PNPLA6: variants seen among roughly 807,000 people sequenced by gnomAD.
The protein encoded by PNPLA6 is patatin like domain 6, lysophospholipase.
A neutral mutation model predicts 153.7 loss-of-function variants in PNPLA6; 105 were observed. The ratio of observed to expected loss-of-function variants is 0.68; its 90% CI spans 0.58 to 0.80. PNPLA6 has a LOEUF of 0.80. PNPLA6 is among the 30% of genes least tolerant of loss of function. The pLI is 0.00. For synonymous variants in PNPLA6, 825 were observed against 822.2 expected, an observed-to-expected ratio of 1.00 and a Z score of -0.06; for missense variants, 1,423 against 1,919.3, an observed-to-expected ratio of 0.74 and a Z score of 4.83.
Position 7,542,657 on chromosome 19 carries a change from C to A in PNPLA6, c.1349C>A (p.Ala450Glu), listed in dbSNP as rs763749160. The A allele has an allele frequency of 3.7e-6, 6 of 1,612,794 alleles. No homozygotes were observed. Among genetic ancestry groups the A allele is most frequent in the East Asian group, 2.2e-5 (1 of 44,886 alleles). ...LQEEASGGSLAAPARTPTQEP... is the reference protein window; with the variant it reads ...LQEEASGGSLEAPARTPTQEP... ...GAAGAGGCCTCCGGGGGGTCCCTGG[C>A]AGCCCCCGCTCGGGTAAGGCTTGGG... Residue 450 changes from alanine (A) to glutamate (E), a missense_variant, in exon 11 of 32, where the codon GCA becomes GAA. Transcript: ENST00000600737.
chr19:7,540,609 C>G lies in PNPLA6; in HGVS notation c.715-21C>G. The G allele has an allele frequency of 6.3e-7, 1 of 1,598,538 alleles. No homozygotes were observed. The highest frequency in any genetic ancestry group is 8.6e-7 in the Non-Finnish European group (1 of 1,165,808). On this transcript the variant is annotated intron_variant, in intron 5 of 31. Coordinates refer to ENST00000600737, the MANE Select transcript of PNPLA6 (RefSeq NM_001166114.2). The surrounding 1 kb of genome is among the most constrained non-coding windows in gnomAD (Gnocchi z 6.8). ...TCACCAGGGCGAGGCCACTGAGGGTCCACGGTCTCCTGTGTCTCAGGACGG... is the reference window on the plus strand; with the variant it reads ...TCACCAGGGCGAGGCCACTGAGGGTGCACGGTCTCCTGTGTCTCAGGACGG...
Position 7,558,935 on chromosome 19 carries a change from G to A in PNPLA6, c.3483G>A (p.Gly1161=), listed in dbSNP as rs1378066311. 2 of 1,614,048 alleles carry A rather than the reference G, an allele frequency of 1.2e-6. No individual in the cohort carries two copies. Among genetic ancestry groups the A allele is most frequent in the Non-Finnish European group, 1.7e-6 (2 of 1,180,016 alleles). ...SQDETDLSTY[G]DSLSGWWLLW... Reference sequence around the variant, plus strand: ...ATGAGACGGACCTCAGCACCTACGGGGACAGCCTGTCCGGCTGGTGGCTGC... The same window carrying A: ...ATGAGACGGACCTCAGCACCTACGGAGACAGCCTGTCCGGCTGGTGGCTGC... Residue 1161 remains glycine (G), a synonymous_variant, in exon 28 of 32, where the codon GGG becomes GGA. Transcript: ENST00000600737.
At chr19:7,549,839 G>A in intron 13 of PNPLA6, 68 bp from the exon 14 acceptor site, 1 of 1,433,288 alleles carries the variant, frequency 7.0e-7, no homozygotes, top group Non-Finnish European at 9.8e-7. Context: ...TCCTGTGGGG[G>A]CATGTTGACC....
In PNPLA6 at chr19:7,560,730, G is replaced by A. The variant is rs1354670102; in HGVS notation, c.3782G>A (p.Arg1261Gln). ...ATTGAGAAAATGCTCACAGACCGGC[G>A]GTCTACAGACCTTAATGAGAGCCGC... ...NVIEKMLTDRRSTDLNESRRA... is the reference protein window; with the variant it reads ...NVIEKMLTDRQSTDLNESRRA... Residue 1261 changes from arginine to glutamine, a missense_variant, in exon 29 of 32, where the codon CGG becomes CAG. By Grantham distance (43) the Arg-to-Gln change is conservative. Transcript: ENST00000600737. 3 of 1,613,310 alleles carry A rather than the reference G, an allele frequency of 1.9e-6. No homozygotes were observed. The highest frequency in any genetic ancestry group is 2.5e-6 in the Non-Finnish European group (3 of 1,179,324).
intron 21 of PNPLA6, 71 bp downstream of exon 21, chr19:7,554,794 GC>G: frequency 6.3e-7 from 1 of 1,592,554 alleles, no homozygotes; most frequent in South Asian, 1.1e-5. Context: ...CCTGCACCAG[GC>G]CACGTGCACC....
chr19:7,556,977 C>T (rs1031897659), intron 26 of PNPLA6, 191 bp from the exon 27 acceptor site: 4 of 712,456 alleles, frequency 5.6e-6, no homozygotes, highest in Admixed American at 3.9e-5. Flanking sequence ...CTGTGTGTGG[C>T]GTTACGTCCG....
rs2146054780 is a variant in PNPLA6, at chr19:7,541,244, C to T, written c.925-110C>T. 2 of 1,141,862 alleles carry T rather than the reference C, an allele frequency of 1.8e-6. No homozygotes were observed. The allele number at this position is 1,141,862 out of a possible 1,614,324, so 70.7% of individuals were successfully genotyped here. A position where few individuals can be genotyped will look rare whatever the true frequency, so the allele number is the denominator to read the frequency against. ...CGCCCCATTTCCCCAGACTGTGGGT[C>T]TCTCCCTGGTTCCCGCCCGACCCCT... is the stretch of plus-strand genomic sequence containing the variant. On this transcript the variant is annotated intron_variant, in intron 7 of 31. Coordinates refer to ENST00000600737, the MANE Select transcript of PNPLA6 (RefSeq NM_001166114.2). The surrounding 1 kb of genome is among the most constrained non-coding windows in gnomAD (Gnocchi z 5.2).
chr19:7,556,710 G>A lies in PNPLA6; in HGVS notation c.3266G>A (p.Arg1089Gln), dbSNP rs786201037. 6 of 1,613,320 alleles carry A rather than the reference G, an allele frequency of 3.7e-6. No individual in the cohort carries two copies. The highest frequency in any genetic ancestry group is 1.7e-5 in the Admixed American group (1 of 59,996). Residue 1089 changes from arginine (R) to glutamine (Q), a missense_variant, in exon 26 of 32, where the codon CGA (arginine) becomes CAA (glutamine). Physicochemically the swap from Arg to Gln is conservative, Grantham distance 43. Around this residue, in one of 10 missense-constraint regions of PNPLA6, gnomAD observed 643 missense variants for 835.2 expected, o/e 0.77. Coordinates refer to ENST00000600737, the MANE Select transcript of PNPLA6 (RefSeq NM_001166114.2). Reference protein sequence around the residue: ...VTTDITASAMRVHKDGSLWRY... With the variant: ...VTTDITASAMQVHKDGSLWRY... ...ACAGATATCACCGCCTCAGCCATGC[G>A]AGTCCACAAAGATGGTGGGTGTCCC...
chr19:7,544,816 G>A (rs1009138343), intron 13 of PNPLA6, among the ~76,000 whole-genome samples: 4 of 152,110 alleles, frequency 2.6e-5, no homozygotes, highest in African/African-American at 9.7e-5. Flanking sequence ...GGAAGTCAAG[G>A]CTTTTGCCAG....
intron 27 of PNPLA6, among the ~76,000 whole-genome samples, chr19:7,557,767 G>C (rs1159046034): frequency 5.6e-5 from 8 of 142,568 alleles, no homozygotes; most frequent in Non-Finnish European, 1.2e-4. Context: ...CTGGGCGACA[G>C]AGCAAGACTC....
chr19:7,552,757 AAAAAAAAAAAAGAAAG>A (rs1398425505), intron 18 of PNPLA6, among the ~76,000 whole-genome samples: 3 of 68,488 alleles, frequency 4.4e-5, no homozygotes, highest in East Asian at 2.8e-4. Flanking sequence ...CTCCATCTCA[AAAAAAAAAAAAGAAAG>A]AAAAAAAAAA....
At chr19:7,558,211 C>A (rs564792446) in intron 27 of PNPLA6, among the ~76,000 whole-genome samples, 3 of 152,322 alleles carry the variant, frequency 2.0e-5, no homozygotes, top group East Asian at 1.9e-4. Context: ...AAATCTCACA[C>A]CCCAGAAGTG....
Position 7,561,590 on chromosome 19 carries a change from TC to T in PNPLA6, c.*31del. The T allele has an allele frequency of 7.8e-7, 1 of 1,275,952 alleles. No homozygotes were observed. The highest frequency in any genetic ancestry group is 1.1e-6 in the Non-Finnish European group (1 of 944,434). 79.0% of individuals were successfully genotyped at this position (1,275,952 alleles called of 1,614,324 possible). Reference sequence around the variant, plus strand: ...ACCTCGACAGGGGTCACCCCCTCCCTCCCACCCCTGGACTGGGCTGGGGGTG... The same window carrying T: ...ACCTCGACAGGGGTCACCCCCTCCCTCCACCCCTGGACTGGGCTGGGGGTG... On this transcript the variant is annotated 3_prime_UTR_variant, in exon 32 of 32. Coordinates refer to ENST00000600737, the MANE Select transcript of PNPLA6 (RefSeq NM_001166114.2).
At chr19:7,557,015 G>A in intron 26 of PNPLA6, 153 bp from the exon 27 acceptor site, 1 of 780,998 alleles carries the variant, frequency 1.3e-6, no homozygotes, top group Admixed American at 1.8e-5. Flanking sequence ...GCCCCTACCT[G>A]CCCCCACTGT....
In PNPLA6 at chr19:7,541,689, C is replaced by A; in HGVS notation, c.1168+5C>A. 2 of 1,565,622 alleles carry A rather than the reference C, an allele frequency of 1.3e-6. No individual in the cohort carries two copies. Among genetic ancestry groups the A allele is most frequent in the Non-Finnish European group, 1.7e-6 (2 of 1,158,666 alleles). The stretch of plus-strand genomic sequence containing the variant: ...CCCCGCTGCCTGGACCTACAGGTAC[C>A]CAGGGACCCGAGGCCAGCCGAGCCC... On this transcript the variant is annotated splice_donor_5th_base_variant and intron_variant, in intron 9 of 31. Transcript: ENST00000600737. This position sits in a 1 kb window ranked among gnomAD's most constrained non-coding sequence, Gnocchi z 5.2.
At chr19:7,560,862 C>A (rs2024069275) in intron 29 of PNPLA6, 98 bp downstream of exon 29, 1 of 910,062 alleles carries the variant, frequency 1.1e-6, no homozygotes. Flanking sequence ...CCCCACATGT[C>A]CCTGGGTTTT....
In PNPLA6 at chr19:7,556,444, T is replaced by A; in HGVS notation, c.3094-9T>A. 2 of 1,576,978 alleles carry A rather than the reference T, an allele frequency of 1.3e-6. No homozygotes were observed. Among genetic ancestry groups the A allele is most frequent in the Non-Finnish European group, 8.7e-7 (1 of 1,146,208 alleles). ...TCCTATTTGACCCTGTCTGGCCCCT[T>A]GTCCCTAGAGCATGACTTCGGTGCT... On this transcript the variant is annotated splice_polypyrimidine_tract_variant and intron_variant, in intron 24 of 31. Transcript: ENST00000600737.
At chr19:7,553,119 G>T (rs560864073) in intron 18 of PNPLA6, among the ~76,000 whole-genome samples, 1 of 152,284 alleles carries the variant, frequency 6.6e-6, no homozygotes, top group East Asian at 1.9e-4. Context: ...GGGGAGGAAG[G>T]ATTCCACCAG....
At chr19:7,538,120 C>A (rs867322372) in intron 3 of PNPLA6, among the ~76,000 whole-genome samples, 2 of 152,034 alleles carry the variant, frequency 1.3e-5, no homozygotes, top group South Asian at 2.1e-4. Flanking sequence ...TTTCTGTGAC[C>A]TAGGGAAGAG....
Sources: allele counts gnomAD v4.1 joint callset (sites outside exome capture counted in the v4.1 genomes callset), GRCh38; gene constraint gnomAD v4.1.1; regional missense constraint gnomAD v4.1.1; non-coding constraint Gnocchi (gnomAD v3.1); transcripts MANE v1.5; gene names NCBI Gene and HGNC (gene_info 2026-07-23, HGNC 2026-07-21).